The following GIGYF1 variants were observed in gnomAD, a reference collection of about 807,000 sequenced individuals.
GIGYF1 encodes the protein GRB10 interacting GYF protein 1, also known as GRB10-interacting GYF protein 1.
In GIGYF1, 84 loss-of-function variants were observed where a neutral mutation model predicts 147.1. That is an observed-to-expected ratio of 0.57 (90% CI 0.48 to 0.68). The LOEUF is 0.68. Among genes scored for constraint, GIGYF1 ranks in the 30% least tolerant of loss-of-function variants. GIGYF1 has a pLI of 0.00. For missense variants in GIGYF1, 1,485 were observed against 1,393.7 expected (o/e 1.07, Z -1.04); for synonymous variants, 752 against 589.5 (o/e 1.28, Z -3.99).
chr7:100,682,117 C>T lies in GIGYF1; in HGVS notation c.2880G>A (p.Glu960=), dbSNP rs752659769. The change falls in exon 25 of 27, where the codon GAG becomes GAA. Residue 960 remains glutamate, a synonymous_variant. Transcript: ENST00000678049. ...EAKEFAKQFL[E]RRAKQKASQQ... is the part of the protein sequence containing the mutation. ...GGCTGGCTTTCTGCTTGGCCCTCCG[C>T]TCCAGGAATTGTTTGGCAAATTCTT... 1.9e-5 allele frequency: 30 copies of T among 1,613,838 alleles called. No individual in the cohort carries two copies. Among genetic ancestry groups the T allele is most frequent in the Middle Eastern group, 3.3e-4 (2 of 6,084 alleles).
Position 100,687,536 on chromosome 7 carries a change from G to C in GIGYF1, c.342C>G (p.Thr114=). The C allele has an allele frequency of 6.2e-7, 1 of 1,612,446 alleles. No individual in the cohort carries two copies. The highest frequency in any genetic ancestry group is 2.2e-5 in the East Asian group (1 of 44,874). ...TCCGCGTGCTGCCCCTGCCTCGGGA[G>C]GTGCCAGCCAGGGGGGGGCCAGCCC... is the stretch of plus-strand genomic sequence containing the variant. ...GKGAGPPLAG[T]SRGRGSTRSR... is the part of the protein sequence containing the mutation. The change falls in exon 7 of 27, where the codon ACC becomes ACG. Residue 114 remains threonine, a synonymous_variant. Coordinates refer to ENST00000678049, the MANE Select transcript of GIGYF1 (RefSeq NM_001375765.1).
Position 100,683,036 on chromosome 7 carries a change from C to G in GIGYF1, c.2388G>C (p.Arg796=), listed in dbSNP as rs1268079334. ...HKQPPPREPA[R]AQAPNHRVQL... is the part of the protein sequence containing the mutation. ...CCACTCGGTGGTTGGGGGCCTGGGC[C>G]CGAGCTGGCTCCCGAGGTGGGGGCT... The change falls in exon 22 of 27, where the codon CGG becomes CGC. Residue 796 remains arginine (R), a synonymous_variant. Transcript: ENST00000678049. 6.4e-7 allele frequency: 1 copy of G among 1,551,390 alleles called. No homozygotes were observed. Among genetic ancestry groups the G allele is most frequent in the Admixed American group, 1.9e-5 (1 of 53,998 alleles).
chr7:100,693,021 A>G (rs1004993219), intron 1 of GIGYF1, among the ~76,000 whole-genome samples: 1 of 152,194 alleles, frequency 6.6e-6, no homozygotes, highest in African/African-American at 2.4e-5. Context: ...GCGGGGTTCT[A>G]AATTGAAACT....
In GIGYF1 at chr7:100,688,451, C is replaced by G. The variant is rs771726044; in HGVS notation, c.-70G>C. 5.0e-5 allele frequency: 35 copies of G among 698,002 alleles called. No individual in the cohort carries two copies. Among genetic ancestry groups the G allele is most frequent in the Admixed American group, 1.8e-4 (9 of 49,740 alleles). 43.2% of individuals were successfully genotyped at this position (698,002 alleles called of 1,614,324 possible). On this transcript the variant is annotated splice_region_variant and 5_prime_UTR_variant, in exon 3 of 27. Transcript: ENST00000678049. ...TCACCTGGGGTCTAAAAGGACTCACCTGAGCCAGCCACGTGGCCACTCACA... is the reference window on the plus strand; with the variant it reads ...TCACCTGGGGTCTAAAAGGACTCACGTGAGCCAGCCACGTGGCCACTCACA...
chr7:100,684,638 G>C, intron 15 of GIGYF1, 22 bp from the exon 16 acceptor site: 1 of 1,613,828 alleles, frequency 6.2e-7, no homozygotes, highest in Non-Finnish European at 8.5e-7. Flanking sequence ...GCGAGGGAGC[G>C]GGAGAACCAC....
At position 100,688,185 on chromosome 7, in the gene GIGYF1, C is replaced by T. The variant is rs371464815; in HGVS notation, c.35+19G>A. 29 of 1,610,996 alleles carry T rather than the reference C, an allele frequency of 1.8e-5. No homozygotes were observed. Among genetic ancestry groups the T allele is most frequent in the African/African-American group, 4.0e-5 (3 of 74,544 alleles). On this transcript the variant is annotated intron_variant, in intron 4 of 26. Transcript: ENST00000678049. The stretch of plus-strand genomic sequence containing the variant: ...TGCTTTCTCGAATCTCCACGGCAGC[C>T]GAGGCACAAGTGACTCACCACTCAG...
At position 100,683,592 on chromosome 7, in the gene GIGYF1, C is replaced by T; in HGVS notation, c.2010G>A (p.Ser670=). ...GTTGTTCTAGAATTGGACCCTGAGT[C>T]GAAGAGTTAATTGGTATGTCCCAAA... is the stretch of plus-strand genomic sequence containing the variant. ...ASLWDIPINS[S]TQGPILEQLQ... Residue 670 remains serine, a synonymous_variant, in exon 20 of 27, where the codon TCG becomes TCA. Coordinates refer to ENST00000678049, the MANE Select transcript of GIGYF1 (RefSeq NM_001375765.1). 2 of 1,614,178 alleles carry T rather than the reference C, an allele frequency of 1.2e-6. No homozygotes were observed. Among genetic ancestry groups the T allele is most frequent in the Non-Finnish European group, 1.7e-6 (2 of 1,180,016 alleles).
At chr7:100,692,715 A>AC (rs1291940323) in intron 1 of GIGYF1, among the ~76,000 whole-genome samples, 12 of 152,188 alleles carry the variant, frequency 7.9e-5, no homozygotes, top group Admixed American at 1.3e-4. Context: ...CACTTGACTA[A>AC]CCACCACGTG....
rs377298009 is a variant in GIGYF1 at position 100,687,424 on chromosome 7, C to A, written c.374-18G>T. ...GCCGCGGCCTAGAGAAGAGGCCAGACGCACAATGAAACCTGCTGCACGTTC... is the reference window on the plus strand; with the variant it reads ...GCCGCGGCCTAGAGAAGAGGCCAGAAGCACAATGAAACCTGCTGCACGTTC... On this transcript the variant is annotated intron_variant, in intron 7 of 26. Coordinates refer to ENST00000678049, the MANE Select transcript of GIGYF1 (RefSeq NM_001375765.1). 1 of 1,612,222 alleles carries A rather than the reference C, an allele frequency of 6.2e-7. No individual in the cohort carries two copies. The highest frequency in any genetic ancestry group is 8.5e-7 in the Non-Finnish European group (1 of 1,179,190).
intron 13 of GIGYF1, 75 bp from the exon 14 acceptor site, chr7:100,685,221 G>A (rs1011807565): frequency 7.2e-6 from 11 of 1,519,588 alleles, no homozygotes; most frequent in South Asian, 6.0e-5. Flanking sequence ...TCTCACTCCA[G>A]AACACCACGC....
At position 100,683,354 on chromosome 7, in the gene GIGYF1, C is replaced by G. The variant is rs1554377546; in HGVS notation, c.2143G>C (p.Glu715Gln). 5 of 1,613,724 alleles carry G rather than the reference C, an allele frequency of 3.1e-6. No homozygotes were observed. The African/African-American group carries it at 4.0e-5, about 13-fold the overall frequency. Residue 715 changes from glutamate to glutamine, a missense_variant, in exon 21 of 27, where the codon GAG becomes CAG. Glu to Gln is a conservative substitution (Grantham distance 29). Transcript: ENST00000678049. ...TCCTCCTGCCGCCGCTTCTGCTCCT[C>G]CTGCTGCTGCTGGCGGCGCTTCTCC... ...REEKRRQQQQ[E>Q]EQKRRQEEEE...
rs1290675510 is a variant in GIGYF1, at chr7:100,683,421, C to A, written c.2076G>T (p.Glu692Asp). 6.2e-7 allele frequency: 1 copy of A among 1,613,906 alleles called. No individual in the cohort carries two copies. Among genetic ancestry groups the A allele is most frequent in the Non-Finnish European group, 8.5e-7 (1 of 1,180,042 alleles). The change falls in exon 21 of 27, where the codon GAG becomes GAT. Residue 692 changes from glutamate (E) to aspartate (D), a missense_variant. Coordinates refer to ENST00000678049, the MANE Select transcript of GIGYF1 (RefSeq NM_001375765.1). ...QHKFQERREVELRAKREEEER... is the reference protein window; with the variant it reads ...QHKFQERREVDLRAKREEEER... ...CCTCTTCCTCCCGCTTCGCCCTGAG[C>A]TCCACTTCTCTGCGCTCCTGGAACT...
Position 100,682,452 on chromosome 7 carries a change from G to A in GIGYF1, c.2631C>T (p.Pro877=), listed in dbSNP as rs200549500. The change falls in exon 24 of 27, where the codon CCC becomes CCT. Residue 877 remains proline (P), a synonymous_variant. Transcript: ENST00000678049. ...CTTCTTCCTCCGTCTTTTTGCGAAT[G>A]GGCCGACCCGATAGGTGGCTGTATG... ...SDSYSHLSGR[P]IRKKTEEEEK... 30 of 1,613,166 alleles carry A rather than the reference G, an allele frequency of 1.9e-5. No individual in the cohort carries two copies. The East Asian group carries it at 4.7e-4, about 25-fold the overall frequency.
rs140961626 is a variant in GIGYF1 at position 100,685,184 on chromosome 7, G to A, written c.1193-38C>T. The A allele has an allele frequency of 2.0e-3, 3,050 of 1,535,380 alleles. 2 individuals carry two copies. The highest frequency in any genetic ancestry group is 2.6e-3 in the Non-Finnish European group (2,881 of 1,124,462). On this transcript the variant is annotated intron_variant, in intron 13 of 26. Coordinates refer to ENST00000678049, the MANE Select transcript of GIGYF1 (RefSeq NM_001375765.1). ...AGATAGGAGGTGGAAAGAAGGGCGG[G>A]GAGGAGACAAGATAGCTTTCGCCTA...
chr7:100,689,792 G>T (rs767724518), intron 1 of GIGYF1, among the ~76,000 whole-genome samples: 141 of 152,340 alleles, frequency 9.3e-4, no homozygotes, highest in Non-Finnish European at 7.5e-4. Context: ...AAAGCCACCA[G>T]CCTGTCACTG....
In GIGYF1 at chr7:100,683,184, G is replaced by A. The variant is rs1012289943; in HGVS notation, c.2240C>T (p.Ala747Val). The change falls in exon 22 of 27, where the codon GCG becomes GTG. Residue 747 changes from alanine (A) to valine (V), a missense_variant. By Grantham distance (64) the Ala-to-Val change is moderately conservative. Coordinates refer to ENST00000678049, the MANE Select transcript of GIGYF1 (RefSeq NM_001375765.1). ...LLLKLLQQQQ[A>V]VPVPPAPSSP... is the part of the protein sequence containing the mutation. Reference sequence around the variant, plus strand: ...GCTGGGTGCGGGGGGCACAGGGACCGCCTGCTGCTGCTGTAGCAACTTCAG... The same window carrying A: ...GCTGGGTGCGGGGGGCACAGGGACCACCTGCTGCTGCTGTAGCAACTTCAG... The A allele has an allele frequency of 1.2e-5, 20 of 1,606,448 alleles. No homozygotes were observed. The highest frequency in any genetic ancestry group is 1.7e-4 in the Middle Eastern group (1 of 6,036).
intron 1 of GIGYF1, among the ~76,000 whole-genome samples, chr7:100,692,898 G>C (rs1462724540): frequency 2.0e-5 from 3 of 152,198 alleles, no homozygotes; most frequent in African/African-American, 7.2e-5. Context: ...GGTCTGCAAA[G>C]GGCACAGGAA....
At chr7:100,686,477 G>A (rs771508343) in intron 10 of GIGYF1, 44 bp from the exon 11 acceptor site, 31 of 1,541,466 alleles carry the variant, frequency 2.0e-5, no homozygotes, top group East Asian at 1.6e-4. Context: ...GTACCCAAGC[G>A]AAGCCAGCGG....
At chr7:100,692,180 C>G (rs886175453) in intron 1 of GIGYF1, among the ~76,000 whole-genome samples, 2 of 152,228 alleles carry the variant, frequency 1.3e-5, no homozygotes, top group Admixed American at 6.5e-5. Context: ...AGGGTGAGGA[C>G]GCTGAGGCTT....
Sources: gnomAD v4.1 joint callset for allele counts (sites outside exome capture counted in the v4.1 genomes callset) on GRCh38, gnomAD v4.1.1 for gene constraint, MANE v1.5 for transcripts, NCBI Gene and HGNC (gene_info 2026-07-23, HGNC 2026-07-21) for gene names.